UNC5D: variants seen among roughly 807,000 people sequenced by gnomAD.
The protein encoded by UNC5D is netrin receptor UNC5D.
A neutral mutation model predicts 105.4 loss-of-function variants in UNC5D; 39 were observed. The observed-to-expected ratio is 0.37, with a 90% CI of 0.29 to 0.48. The LOEUF is 0.48. Ranked by LOEUF, UNC5D falls within the 20% of genes least tolerant of loss-of-function variation. The probability of loss-of-function intolerance (pLI) is 0.98; values close to 1 mark genes in which losing one functional copy is unlikely to be tolerated. For missense variants in UNC5D, 991 were observed against 1,202.4 expected (o/e 0.82, Z 2.60); for synonymous variants, 452 against 450.4 (o/e 1.00, Z -0.04).
chr8:35,750,840 G>T (rs1321245017), intron 13 of UNC5D, 31 bp downstream of exon 13: 15 of 1,611,584 alleles, frequency 9.3e-6, no homozygotes, highest in Non-Finnish European at 1.3e-5. Context: ...TTTTCTTTTG[G>T]TGTCATGAAA....
intron 1 of UNC5D, among the ~76,000 whole-genome samples, chr8:35,364,194 A>C (rs1801990811): frequency 6.6e-6 from 1 of 151,942 alleles, no homozygotes; most frequent in Non-Finnish European, 1.5e-5. Context: ...CAAATAAATA[A>C]ATTTTCATTA....
chr8:35,285,717 G>A (rs1178252028), intron 1 of UNC5D, among the ~76,000 whole-genome samples: 1 of 152,162 alleles, frequency 6.6e-6, no homozygotes. Flanking sequence ...AGTGAAGGGT[G>A]TTTTACCTGT....
intron 3 of UNC5D, among the ~76,000 whole-genome samples, chr8:35,582,306 C>G (rs775208481): frequency 2.3e-4 from 35 of 152,206 alleles, no homozygotes; most frequent in Non-Finnish European, 4.7e-4. Context: ...TGGAAAGCAT[C>G]TTCCTGATGC....
chr8:35,263,698 G>A (rs1002981720), intron 1 of UNC5D, among the ~76,000 whole-genome samples: 1 of 152,240 alleles, frequency 6.6e-6, no homozygotes. Flanking sequence ...CATAATAGTA[G>A]AGTAGATGAC....
At chr8:35,321,213 AC>A (rs1809716951) in intron 1 of UNC5D, among the ~76,000 whole-genome samples, 1 of 152,180 alleles carries the variant, frequency 6.6e-6, no homozygotes, top group African/African-American at 2.4e-5. Flanking sequence ...CAGCAAACAG[AC>A]AAAAACTATC....
intron 13 of UNC5D, among the ~76,000 whole-genome samples, chr8:35,757,488 A>G (rs1830566669): frequency 6.6e-6 from 1 of 152,046 alleles, no homozygotes. Flanking sequence ...TACCTCCCCT[A>G]GTAATGTCTA....
At chr8:35,619,219 G>T (rs1821207103) in intron 4 of UNC5D, among the ~76,000 whole-genome samples, 2 of 152,118 alleles carry the variant, frequency 1.3e-5, no homozygotes, top group Non-Finnish European at 2.9e-5. Context: ...ACTTCTGTTG[G>T]CCAGGGTGAT....
At chr8:35,326,601 A>C (rs1178431494) in intron 1 of UNC5D, among the ~76,000 whole-genome samples, 5 of 152,098 alleles carry the variant, frequency 3.3e-5, no homozygotes, top group Admixed American at 2.0e-4. Flanking sequence ...CCAAAATAAA[A>C]ATAAAAGCCA....
chr8:35,761,068 C>T (rs1033348435), intron 14 of UNC5D, among the ~76,000 whole-genome samples: 1 of 152,046 alleles, frequency 6.6e-6, no homozygotes, highest in African/African-American at 2.4e-5. Flanking sequence ...GGCACATTCA[C>T]CACATTTTTT....
At chr8:35,311,780 A>G (rs1304575045) in intron 1 of UNC5D, among the ~76,000 whole-genome samples, 1 of 152,168 alleles carries the variant, frequency 6.6e-6, no homozygotes, top group African/African-American at 2.4e-5. Flanking sequence ...AAGACCCTAG[A>G]GACAAAGAGA....
chr8:35,705,284 C>G lies in UNC5D; in HGVS notation c.1085-645C>G, dbSNP rs139579209. ...CAACCTAATGCCTCTTCTCTTAATC[C>G]ACCTTATCTCATGGGTGCACTGCTA... On this transcript the variant is annotated intron_variant, in intron 7 of 16. Coordinates refer to ENST00000404895, the MANE Select transcript of UNC5D (RefSeq NM_080872.4). Among the ~76,000 whole-genome samples the G allele has an allele frequency of 2.4e-4, 37 of 152,282 alleles. No individual in the cohort carries two copies. In the East Asian group the frequency reaches 6.8e-3, roughly 28 times the overall value.
At chr8:35,457,096 C>T (rs771094574) in intron 1 of UNC5D, among the ~76,000 whole-genome samples, 3 of 152,138 alleles carry the variant, frequency 2.0e-5, no homozygotes, top group Non-Finnish European at 4.4e-5. Flanking sequence ...GATAATAATA[C>T]CTGCCGTTAA....
intron 3 of UNC5D, among the ~76,000 whole-genome samples, chr8:35,593,382 G>A (rs183085351): frequency 8.4e-4 from 128 of 152,186 alleles, no homozygotes; most frequent in Non-Finnish European, 1.6e-3. Context: ...AAATTGGGAT[G>A]ACCATTTAGC....
chr8:35,595,475 C>G lies in UNC5D; in HGVS notation c.467-79C>G, dbSNP rs1476092107. On this transcript the variant is annotated intron_variant, in intron 3 of 16. Coordinates refer to ENST00000404895, the MANE Select transcript of UNC5D (RefSeq NM_080872.4). ...TGTGTCTAGGTTGTGATATTAAGCT[C>G]ACTTTTTTTGTACTTGGACCAAATT... The G allele has an allele frequency of 2.4e-6, 3 of 1,243,876 alleles. No homozygotes were observed. In the African/African-American group the frequency reaches 4.4e-5, roughly 18 times the overall value. 77.1% of individuals were successfully genotyped at this position (1,243,876 alleles called of 1,614,324 possible).
chr8:35,705,175 A>G (rs1020738780), intron 7 of UNC5D, among the ~76,000 whole-genome samples: 4 of 152,246 alleles, frequency 2.6e-5, no homozygotes, highest in Admixed American at 6.5e-5. Context: ...CGTGTTAGCC[A>G]GGATGGTCTC....
At position 35,574,765 on chromosome 8, in the gene UNC5D, T is replaced by C. The variant is rs113850088; in HGVS notation, c.466+6524T>C. Among the ~76,000 whole-genome samples the C allele has an allele frequency of 7.9e-3, 1,205 of 152,254 alleles. 22 individuals are homozygous for C. The highest frequency in any genetic ancestry group is 0.027 in the African/African-American group (1,117 of 41,558). Reference sequence around the variant, plus strand: ...GCCTTCCTGTACATTTCCATTCTTATCTCCAATGATATCCCTGCAAGTGTT... The same window carrying C: ...GCCTTCCTGTACATTTCCATTCTTACCTCCAATGATATCCCTGCAAGTGTT... On this transcript the variant is annotated intron_variant, in intron 3 of 16. Transcript: ENST00000404895.
intron 1 of UNC5D, among the ~76,000 whole-genome samples, chr8:35,493,825 T>C (rs910189299): frequency 6.6e-6 from 1 of 152,198 alleles, no homozygotes; most frequent in African/African-American, 2.4e-5. Flanking sequence ...TTTCCATGAA[T>C]AAGACCTTGC....
intron 1 of UNC5D, among the ~76,000 whole-genome samples, chr8:35,362,271 A>C (rs1463398813): frequency 6.6e-6 from 1 of 152,190 alleles, no homozygotes; most frequent in Non-Finnish European, 1.5e-5. Context: ...GCTAGTAAAA[A>C]GTGTTTTATG....
chr8:35,756,543 T>A, intron 13 of UNC5D, among the ~76,000 whole-genome samples: 1 of 144,018 alleles, frequency 6.9e-6, no homozygotes, highest in African/African-American at 2.6e-5. Context: ...GATCTTCACA[T>A]GAGTCTTTAA....
Sources: gnomAD v4.1 joint callset for allele counts (sites outside exome capture counted in the v4.1 genomes callset) on GRCh38, gnomAD v4.1.1 for gene constraint, MANE v1.5 for transcripts, NCBI Gene and HGNC (gene_info 2026-07-23, HGNC 2026-07-21) for gene names.